The following LRMDA variants were observed in gnomAD, a reference collection of about 807,000 sequenced individuals.
LRMDA encodes leucine rich melanocyte differentiation associated.
In LRMDA, 18 loss-of-function variants were observed where a neutral mutation model predicts 29.8. The observed-to-expected ratio is 0.60, with a 90% CI of 0.42 to 0.90. The LOEUF is 0.90. Among genes scored for constraint, LRMDA ranks in the 40% least tolerant of loss-of-function variants. The pLI is 0.00. For missense variants in LRMDA, 273 were observed against 273.9 expected (o/e 1.00, Z 0.02); for synonymous variants, 125 against 109.4 (o/e 1.14, Z -0.89).
intron 2 of LRMDA, among the ~76,000 whole-genome samples, chr10:75,959,552 A>G (rs1307830214): frequency 2.0e-5 from 3 of 152,012 alleles, no homozygotes; most frequent in Non-Finnish European, 4.4e-5. Context: ...TCTGTATATA[A>G]TAACTTCAAG....
chr10:75,893,985 GT>G (rs970557279), intron 2 of LRMDA, among the ~76,000 whole-genome samples: 3 of 150,472 alleles, frequency 2.0e-5, no homozygotes, highest in Non-Finnish European at 3.0e-5. Flanking sequence ...GTGATTCTTT[GT>G]TTTTTTCTTT....
intron 6 of LRMDA, among the ~76,000 whole-genome samples, chr10:76,336,995 A>G (rs1189774211): frequency 6.6e-6 from 1 of 151,888 alleles, no homozygotes; most frequent in Non-Finnish European, 1.5e-5. Context: ...CTTTTATTTC[A>G]TATAATGTTC....
At chr10:75,787,092 C>G (rs1026885616) in intron 2 of LRMDA, among the ~76,000 whole-genome samples, 23 of 152,242 alleles carry the variant, frequency 1.5e-4, no homozygotes, top group African/African-American at 4.8e-4. Context: ...GCAGCTGTCT[C>G]TGATAGTACA....
intron 6 of LRMDA, among the ~76,000 whole-genome samples, chr10:76,435,571 G>C (rs986620279): frequency 1.3e-5 from 2 of 152,168 alleles, no homozygotes; most frequent in African/African-American, 4.8e-5. Flanking sequence ...TAACCAAAAG[G>C]AGACAATGTC....
intron 2 of LRMDA, among the ~76,000 whole-genome samples, chr10:75,926,730 T>C (rs188030160): frequency 6.6e-6 from 1 of 152,346 alleles, no homozygotes; most frequent in Non-Finnish European, 1.5e-5. Context: ...CTCATGCTGC[T>C]GTTATTTTGG....
chr10:75,743,142 G>A (rs539859063), intron 2 of LRMDA, among the ~76,000 whole-genome samples: 1 of 152,228 alleles, frequency 6.6e-6, no homozygotes, highest in African/African-American at 2.4e-5. Context: ...GGTGGTAAGA[G>A]ATGAGGTGGG....
At chr10:76,076,214 G>A (rs989198092) in intron 5 of LRMDA, among the ~76,000 whole-genome samples, 2 of 151,572 alleles carry the variant, frequency 1.3e-5, no homozygotes, top group African/African-American at 4.8e-5. Context: ...GTGGTGGCGG[G>A]TGCCTGTAGT....
At chr10:76,364,593 C>T (rs1841366649) in intron 6 of LRMDA, among the ~76,000 whole-genome samples, 1 of 151,714 alleles carries the variant, frequency 6.6e-6, no homozygotes, top group East Asian at 1.9e-4. Flanking sequence ...AGGGGAGGGG[C>T]ATGGGAAGAG....
intron 2 of LRMDA, among the ~76,000 whole-genome samples, chr10:75,678,454 T>C (rs964606003): frequency 2.0e-5 from 3 of 152,196 alleles, no homozygotes; most frequent in Admixed American, 1.3e-4. Flanking sequence ...TCTACTGAGA[T>C]ATTGAAGCTA....
intron 2 of LRMDA, among the ~76,000 whole-genome samples, chr10:75,439,983 T>A (rs1431737105): frequency 6.6e-6 from 1 of 151,440 alleles, no homozygotes; most frequent in Non-Finnish European, 1.5e-5. Context: ...CCCTGAGTAG[T>A]TAGTGGGAGC....
At chr10:75,513,424 T>C (rs1845251169) in intron 2 of LRMDA, among the ~76,000 whole-genome samples, 1 of 152,192 alleles carries the variant, frequency 6.6e-6, no homozygotes. Flanking sequence ...TCTCTGTGTT[T>C]TGGGGACTGA....
At chr10:75,496,361 T>A (rs1310264772) in intron 2 of LRMDA, among the ~76,000 whole-genome samples, 1 of 152,172 alleles carries the variant, frequency 6.6e-6, no homozygotes, top group Non-Finnish European at 1.5e-5. Flanking sequence ...CAATGGAGAA[T>A]GAAATTAAAT....
chr10:75,898,504 A>G (rs1845620096), intron 2 of LRMDA, among the ~76,000 whole-genome samples: 1 of 152,122 alleles, frequency 6.6e-6, no homozygotes, highest in Non-Finnish European at 1.5e-5. Context: ...AATTTAAAGA[A>G]TTGAGCCAAG....
At position 75,877,511 on chromosome 10, in the gene LRMDA, G is replaced by T. The variant is rs549061199; in HGVS notation, c.132-158497G>T. ...GGATCACACTGTATTTGTGTTTGTA[G>T]CTCCACACCTAATGCAGTGCTGGAC... is the stretch of plus-strand genomic sequence containing the variant. On this transcript the variant is annotated intron_variant, in intron 2 of 6. Coordinates refer to ENST00000611255, the MANE Select transcript of LRMDA (RefSeq NM_001305581.2). Among the ~76,000 whole-genome samples, 16 of 152,336 alleles carry T rather than the reference G, an allele frequency of 1.1e-4. No homozygotes were observed. In the South Asian group the frequency reaches 3.3e-3, roughly 32 times the overall value.
chr10:75,978,758 T>C (rs1410807241), intron 2 of LRMDA, among the ~76,000 whole-genome samples: 2 of 152,258 alleles, frequency 1.3e-5, no homozygotes, highest in African/African-American at 2.4e-5. Flanking sequence ...AATAATCTTA[T>C]AATTTTTTGT....
intron 2 of LRMDA, among the ~76,000 whole-genome samples, chr10:75,852,546 A>T (rs1234144987): frequency 1.3e-5 from 2 of 152,140 alleles, no homozygotes; most frequent in Admixed American, 6.5e-5. Context: ...CAACAACAAA[A>T]AAAACAACAA....
chr10:76,251,002 A>G (rs1319602783), intron 5 of LRMDA, among the ~76,000 whole-genome samples: 1 of 152,136 alleles, frequency 6.6e-6, no homozygotes, highest in Non-Finnish European at 1.5e-5. Context: ...TTTCCATCAG[A>G]TGGCAGCTCA....
chr10:76,139,044 G>A (rs1263969699), intron 5 of LRMDA, among the ~76,000 whole-genome samples: 1 of 152,138 alleles, frequency 6.6e-6, no homozygotes, highest in African/African-American at 2.4e-5. Flanking sequence ...CAAAAAGCAA[G>A]CGGAGATAAA....
chr10:75,970,153 C>G lies in LRMDA; in HGVS notation c.132-65855C>G, dbSNP rs138503181. 4.0e-3 allele frequency among the ~76,000 whole-genome samples: 605 copies of G among 152,270 alleles called. 8 individuals carry two copies. Among genetic ancestry groups the G allele is most frequent in the African/African-American group, 0.014 (567 of 41,534 alleles). ...TCTCTAATCAAACACTGATCTTCCC[C>G]CTAGTTTCACCTTTAGGGGTAGTGT... On this transcript the variant is annotated intron_variant, in intron 2 of 6. Transcript: ENST00000611255.
Sources: gnomAD v4.1 joint callset for allele counts (sites outside exome capture counted in the v4.1 genomes callset) on GRCh38, gnomAD v4.1.1 for gene constraint, MANE v1.5 for transcripts, NCBI Gene and HGNC (gene_info 2026-07-23, HGNC 2026-07-21) for gene names.